Variants in FREM2 observed in about 807,000 individuals in gnomAD.
FREM2 encodes FRAS1 related extracellular matrix 2, also known as FRAS1-related extracellular matrix protein 2.
FREM2 carries 119 observed loss-of-function variants against 219.9 expected under a neutral mutation model. The observed-to-expected ratio is 0.54, with a 90% confidence interval of 0.47 to 0.63. FREM2 has a LOEUF of 0.63. Ranked by LOEUF, FREM2 falls within the 30% of genes least tolerant of loss-of-function variation. The probability of loss-of-function intolerance (pLI) is 0.00; values close to 1 mark genes in which losing one functional copy is unlikely to be tolerated. For synonymous variants in FREM2, 1,562 were observed against 1,522.8 expected, an observed-to-expected ratio of 1.03 and a Z score of -0.60; for missense variants, 4,030 against 3,993.6, an observed-to-expected ratio of 1.01 and a Z score of -0.25.
At chr13:38,839,353 C>G (rs540323153) in intron 6 of FREM2, among the ~76,000 whole-genome samples, 1 of 152,206 alleles carries the variant, frequency 6.6e-6, no homozygotes, top group African/African-American at 2.4e-5. Context: ...CAGAGGGGCA[C>G]CCGCCACATG....
intron 3 of FREM2, 21 bp downstream of exon 3, chr13:38,764,471 C>T (rs554999008): frequency 3.6e-6 from 5 of 1,376,662 alleles, no homozygotes; most frequent in Non-Finnish European, 5.1e-6. Context: ...TTTTTTATTT[C>T]TGTTTTAAAA....
Position 38,861,576 on chromosome 13 carries a change from G to T in FREM2, c.7651+14G>T, listed in dbSNP as rs768212455. ...CACACATAGATGGTAGGTGACTTGG[G>T]TAAGCAAATCCATGGAATTGTTTTG... On this transcript the variant is annotated intron_variant, in intron 15 of 23. Coordinates refer to ENST00000280481, the MANE Select transcript of FREM2 (RefSeq NM_207361.6). 1 of 1,613,530 alleles carries T rather than the reference G, an allele frequency of 6.2e-7. No individual in the cohort carries two copies. Among genetic ancestry groups the T allele is most frequent in the South Asian group, 1.1e-5 (1 of 91,062 alleles).
At chr13:38,798,818 T>A (rs1874893847) in intron 6 of FREM2, among the ~76,000 whole-genome samples, 2 of 152,052 alleles carry the variant, frequency 1.3e-5, no homozygotes, top group African/African-American at 4.8e-5. Context: ...GTGGTAAAGT[T>A]TCCTTCTTCC....
Position 38,880,615 on chromosome 13 carries a change from C to G in FREM2, c.9338C>G (p.Thr3113Ser), listed in dbSNP as rs1878509408. The G allele has an allele frequency of 6.2e-7, 1 of 1,613,860 alleles. No homozygotes were observed. Among genetic ancestry groups the G allele is most frequent in the Non-Finnish European group, 8.5e-7 (1 of 1,179,740 alleles). Residue 3113 changes from threonine to serine, a missense_variant, in exon 24 of 24, where the codon ACT becomes AGT. This residue lies in a region of FREM2 where 928 missense variants were observed against 1,042.9 expected (regional missense o/e 0.89). Coordinates refer to ENST00000280481, the MANE Select transcript of FREM2 (RefSeq NM_207361.6). ...CCCAGCTCTGCAGTCAGCCTGGTCA[C>G]TGTGGTGGGAGGCACCACGGTAGGG... ...NSPSSAVSLV[T>S]VVGGTTVGLL...
intron 6 of FREM2, among the ~76,000 whole-genome samples, chr13:38,792,128 C>T (rs564546239): frequency 6.6e-6 from 1 of 152,268 alleles, no homozygotes; most frequent in African/African-American, 2.4e-5. Flanking sequence ...AGGCAGATCA[C>T]TTGAGGTCAG....
chr13:38,751,933 CTT>C (rs1872791899), intron 2 of FREM2, among the ~76,000 whole-genome samples: 1 of 150,564 alleles, frequency 6.6e-6, no homozygotes, highest in Non-Finnish European at 1.5e-5. Context: ...AAATGAACAG[CTT>C]TTATATTAAT....
chr13:38,859,371 C>T lies in FREM2; in HGVS notation c.7300C>T (p.Arg2434Trp), dbSNP rs769834297. The T allele has an allele frequency of 3.7e-6, 6 of 1,614,162 alleles. No individual in the cohort carries two copies. Among genetic ancestry groups the T allele is most frequent in the East Asian group, 2.2e-5 (1 of 44,882 alleles). ...ENINDTLTRYRWLISAPAGPD... is the reference protein window; with the variant it reads ...ENINDTLTRYWWLISAPAGPD... ...CATCAATGACACTTTGACGCGGTAC[C>T]GGTGGCTGATTAGTGCACCTGCGGG... Residue 2434 changes from arginine to tryptophan, a missense_variant, in exon 14 of 24, where the codon CGG (arginine) becomes TGG (tryptophan). Arg to Trp is a moderately radical substitution (Grantham distance 101). Around this residue, in one of 2 missense-constraint regions of FREM2, gnomAD observed 928 missense variants for 1,042.9 expected, o/e 0.89. Coordinates refer to ENST00000280481, the MANE Select transcript of FREM2 (RefSeq NM_207361.6).
At chr13:38,846,488 C>G (rs539820964) in intron 6 of FREM2, 85 bp from the exon 7 acceptor site, 7 of 1,394,976 alleles carry the variant, frequency 5.0e-6, no homozygotes, top group Non-Finnish European at 7.0e-6. Flanking sequence ...TAAGAGGAAG[C>G]ACACTCTTCT....
chr13:38,867,386 T>C lies in FREM2; in HGVS notation c.7983+2780T>C, dbSNP rs1288823657. On this transcript the variant is annotated intron_variant, in intron 16 of 23. Transcript: ENST00000280481. ...TGATGACCAGATTCAGAGTAAATCA[T>C]TGAGATTTTAGGATCTTGTTATAAA... Among the ~76,000 whole-genome samples, 6 of 152,382 alleles carry C rather than the reference T, an allele frequency of 3.9e-5. No homozygotes were observed. The East Asian group carries it at 9.6e-4, about 24-fold the overall frequency.
In FREM2 at chr13:38,878,832, A is replaced by T. The variant is rs933705382; in HGVS notation, c.8861A>T (p.Asp2954Val). The change falls in exon 23 of 24, where the codon GAC (aspartate) becomes GTC (valine). Residue 2954 changes from aspartate to valine, a missense_variant and splice_region_variant. Around this residue, in one of 2 missense-constraint regions of FREM2, gnomAD observed 928 missense variants for 1,042.9 expected, o/e 0.89. Transcript: ENST00000280481. ...CACCACTTTCCTTACTGCTTAAAGG[A>T]CAAAGCTCAGCCAGAGACACAAGCG... Reference protein sequence around the residue: ...PSLLYRFKIVDKAQPETQATS... With the variant: ...PSLLYRFKIVVKAQPETQATS... 6.2e-7 allele frequency: 1 copy of T among 1,614,202 alleles called. No homozygotes were observed.
intron 6 of FREM2, among the ~76,000 whole-genome samples, chr13:38,800,192 T>C (rs1874955998): frequency 6.6e-6 from 1 of 152,192 alleles, no homozygotes; most frequent in East Asian, 1.9e-4. Flanking sequence ...GTGAAAGTCG[T>C]CTTTTCACTT....
chr13:38,786,310 G>C (rs1422084825), intron 6 of FREM2, among the ~76,000 whole-genome samples: 2 of 151,956 alleles, frequency 1.3e-5, no homozygotes, highest in Non-Finnish European at 2.9e-5. Context: ...TGTTTTTACT[G>C]AAAATGTTTG....
chr13:38,691,022 T>C lies in FREM2; in HGVS notation c.3678T>C (p.Thr1226=). 6.2e-7 allele frequency: 1 copy of C among 1,614,176 alleles called. No homozygotes were observed. The highest frequency in any genetic ancestry group is 8.5e-7 in the Non-Finnish European group (1 of 1,180,032). The stretch of plus-strand genomic sequence containing the variant: ...CTGATGTTCCCCTGGATGATTTAAC[T>C]TTCACTATTACCCAATTCCCCACTC... ...ADADVPLDDL[T]FTITQFPTHG... Residue 1226 remains threonine, a synonymous_variant, in exon 1 of 24, where the codon ACT becomes ACC. Coordinates refer to ENST00000280481, the MANE Select transcript of FREM2 (RefSeq NM_207361.6).
chr13:38,809,797 A>G (rs1185418145), intron 6 of FREM2, among the ~76,000 whole-genome samples: 3 of 152,052 alleles, frequency 2.0e-5, no homozygotes, highest in Non-Finnish European at 4.4e-5. Context: ...TGCTCAGGAA[A>G]GATTTAGCTA....
Position 38,880,682 on chromosome 13 carries a change from C to T in FREM2, c.9405C>T (p.Cys3135=), listed in dbSNP as rs1878512686. The change falls in exon 24 of 24, where the codon TGC becomes TGT. Residue 3135 remains cysteine (C), a synonymous_variant. Coordinates refer to ENST00000280481, the MANE Select transcript of FREM2 (RefSeq NM_207361.6). The part of the protein sequence containing the change: ...ICLTVIAVLM[C]RGKESFRGKD... ...TCACTGTCATTGCAGTGCTGATGTG[C>T]AGGGGCAAGGAAAGTTTCAGGGGGA... The T allele has an allele frequency of 6.2e-7, 1 of 1,614,012 alleles. No homozygotes were observed. Among genetic ancestry groups the T allele is most frequent in the Non-Finnish European group, 8.5e-7 (1 of 1,180,022 alleles).
At chr13:38,822,347 C>CTTTTTT (rs951562767) in intron 6 of FREM2, among the ~76,000 whole-genome samples, 1 of 100,050 alleles carries the variant, frequency 1.0e-5, no homozygotes, top group Non-Finnish European at 2.3e-5. Flanking sequence ...TTCTTTCTTT[C>CTTTTTT]TTTTTTTTTT....
chr13:38,878,110 AACATTTCC>A lies in FREM2; in HGVS notation c.8672-19_8672-12del. Reference sequence around the variant, plus strand: ...ATATACCTTATCATATAACAGAAATAACATTTCCACATCTCTATTTCAGGTGATATAAT... The same window carrying A: ...ATATACCTTATCATATAACAGAAATAACATCTCTATTTCAGGTGATATAAT... On this transcript the variant is annotated splice_polypyrimidine_tract_variant and intron_variant, in intron 21 of 23. Coordinates refer to ENST00000280481, the MANE Select transcript of FREM2 (RefSeq NM_207361.6). The A allele has an allele frequency of 1.3e-6, 2 of 1,593,806 alleles. No individual in the cohort carries two copies. The highest frequency in any genetic ancestry group is 1.7e-6 in the Non-Finnish European group (2 of 1,161,746).
chr13:38,751,784 A>G (rs1418467144), intron 2 of FREM2, among the ~76,000 whole-genome samples: 2 of 151,962 alleles, frequency 1.3e-5, no homozygotes, highest in Non-Finnish European at 2.9e-5. Context: ...ATTAAATAAA[A>G]CTGTACATTG....
rs748829194 is a variant in FREM2 at position 38,689,107 on chromosome 13, A to T, written c.1763A>T (p.Asp588Val). The T allele has an allele frequency of 1.2e-6, 2 of 1,613,956 alleles. No individual in the cohort carries two copies. Among genetic ancestry groups the T allele is most frequent in the Non-Finnish European group, 1.7e-6 (2 of 1,180,022 alleles). Reference sequence around the variant, plus strand: ...CTGCCCCTTTCCCTGAGTGCAACTGACATGGATTCAGATGATTCTCTGCTG... The same window carrying T: ...CTGCCCCTTTCCCTGAGTGCAACTGTCATGGATTCAGATGATTCTCTGCTG... ...PILPLSLSATDMDSDDSLLLF... is the reference protein window; with the variant it reads ...PILPLSLSATVMDSDDSLLLF... The change falls in exon 1 of 24, where the codon GAC becomes GTC. Residue 588 changes from aspartate (D) to valine (V), a missense_variant. Asp to Val is a radical substitution (Grantham distance 152). This residue lies in a region of FREM2 where 3,102 missense variants were observed against 2,950.7 expected (regional missense o/e 1.05). Transcript: ENST00000280481.
Sources: allele counts gnomAD v4.1 joint callset (sites outside exome capture counted in the v4.1 genomes callset), GRCh38; gene constraint gnomAD v4.1.1; regional missense constraint gnomAD v4.1.1; transcripts MANE v1.5; gene names NCBI Gene and HGNC (gene_info 2026-07-23, HGNC 2026-07-21).